Variants in PAPPA observed in about 807,000 individuals in gnomAD.
PAPPA encodes pappalysin-1.
PAPPA carries 60 observed loss-of-function variants against 164.0 expected under a neutral mutation model. That is an observed-to-expected ratio of 0.37 (90% CI 0.30 to 0.45). The LOEUF (loss-of-function observed/expected upper bound fraction) is 0.45, where lower values mean the gene tolerates loss of function less well. Among genes scored for constraint, PAPPA ranks in the 20% least tolerant of loss-of-function variants. The probability of loss-of-function intolerance (pLI) is 1.00; values close to 1 mark genes in which losing one functional copy is unlikely to be tolerated. For missense variants in PAPPA, 1,782 were observed against 2,087.3 expected (o/e 0.85, Z 2.85); for synonymous variants, 875 against 814.1 (o/e 1.07, Z -1.27).
At chr9:116,213,421 A>G (rs948225574) in intron 4 of PAPPA, among the ~76,000 whole-genome samples, 12 of 152,202 alleles carry the variant, frequency 7.9e-5, no homozygotes, top group Admixed American at 3.3e-4. Flanking sequence ...AGTGCTCAAA[A>G]AAGACCAGGG....
intron 4 of PAPPA, among the ~76,000 whole-genome samples, chr9:116,213,295 T>C (rs1363695340): frequency 3.3e-5 from 5 of 152,210 alleles, no homozygotes; most frequent in Admixed American, 6.5e-5. Flanking sequence ...TTCTTTCTGC[T>C]TGTCCATTTG....
intron 10 of PAPPA, among the ~76,000 whole-genome samples, chr9:116,307,723 TGA>T (rs145791298): frequency 1.9e-4 from 29 of 149,428 alleles, no homozygotes; most frequent in Non-Finnish European, 2.1e-4. Context: ...CTGAGGAATG[TGA>T]GAGAGAGAGA....
At chr9:116,204,115 G>C (rs1325460670) in intron 2 of PAPPA, among the ~76,000 whole-genome samples, 1 of 152,180 alleles carries the variant, frequency 6.6e-6, no homozygotes, top group Non-Finnish European at 1.5e-5. Context: ...TGCTGGGACT[G>C]TGCTGAGCTG....
chr9:116,291,705 A>C (rs1845438401), intron 9 of PAPPA, among the ~76,000 whole-genome samples: 1 of 152,258 alleles, frequency 6.6e-6, no homozygotes, highest in African/African-American at 2.4e-5. Flanking sequence ...ACATGACATA[A>C]TATAGCCAGG....
At chr9:116,264,636 C>G (rs1162738433) in intron 7 of PAPPA, among the ~76,000 whole-genome samples, 1 of 152,140 alleles carries the variant, frequency 6.6e-6, no homozygotes, top group South Asian at 2.1e-4. Context: ...GGCAGGAGAA[C>G]TTGAGATTTT....
chr9:116,254,776 C>G (rs1315713899), intron 7 of PAPPA, among the ~76,000 whole-genome samples: 2 of 129,136 alleles, frequency 1.5e-5, no homozygotes, highest in African/African-American at 6.0e-5. Context: ...AGCAAGACTC[C>G]GTCTCAAAAA....
chr9:116,330,588 T>C (rs1845977806), intron 10 of PAPPA, among the ~76,000 whole-genome samples: 1 of 151,710 alleles, frequency 6.6e-6, no homozygotes, highest in Non-Finnish European at 1.5e-5. Context: ...TCATTGAGAA[T>C]GAATTTGTGT....
intron 13 of PAPPA, among the ~76,000 whole-genome samples, chr9:116,339,321 C>T (rs79825120): frequency 0.017 from 2,626 of 152,238 alleles, 82 homozygotes; most frequent in African/African-American, 0.06. Context: ...TAGAGCAAAG[C>T]GCTCTGCTCT....
intron 1 of PAPPA, among the ~76,000 whole-genome samples, chr9:116,186,148 C>T (rs554531425): frequency 6.6e-6 from 1 of 151,782 alleles, no homozygotes; most frequent in African/African-American, 2.4e-5. Flanking sequence ...AGATTTTGCT[C>T]ATTATTATTA....
chr9:116,237,265 C>G (rs528618783), intron 7 of PAPPA, among the ~76,000 whole-genome samples: 1 of 152,322 alleles, frequency 6.6e-6, no homozygotes, highest in African/African-American at 2.4e-5. Context: ...TTTAAGAACT[C>G]AGAAAGAGCA....
At chr9:116,173,508 C>A (rs969602501) in intron 1 of PAPPA, among the ~76,000 whole-genome samples, 1 of 152,202 alleles carries the variant, frequency 6.6e-6, no homozygotes, top group Non-Finnish European at 1.5e-5. Flanking sequence ...AAGATTCATT[C>A]TTTTCTATGG....
At chr9:116,189,521 AG>A (rs1444191843) in intron 2 of PAPPA, among the ~76,000 whole-genome samples, 1 of 152,142 alleles carries the variant, frequency 6.6e-6, no homozygotes, top group Non-Finnish European at 1.5e-5. Context: ...AGGACAGAAA[AG>A]GGGGCCTTCA....
chr9:116,277,633 T>G (rs1845215715), intron 9 of PAPPA, among the ~76,000 whole-genome samples: 1 of 152,232 alleles, frequency 6.6e-6, no homozygotes, highest in South Asian at 2.1e-4. Context: ...TAGATGTGTT[T>G]GCTACTGATG....
chr9:116,254,929 T>A (rs1242526089), intron 7 of PAPPA, among the ~76,000 whole-genome samples: 1 of 151,892 alleles, frequency 6.6e-6, no homozygotes, highest in Non-Finnish European at 1.5e-5. Flanking sequence ...ATAATAAGCA[T>A]GGATGATTTT....
At chr9:116,373,278 C>T (rs946061626) in intron 19 of PAPPA, 4 of 152,084 alleles carry the variant, frequency 2.6e-5, no homozygotes, top group African/African-American at 7.2e-5. Flanking sequence ...TGTTCATTTA[C>T]TTATTCAATA....
intron 21 of PAPPA, among the ~76,000 whole-genome samples, chr9:116,391,897 C>A (rs949339455): frequency 1.3e-4 from 20 of 152,138 alleles, no homozygotes; most frequent in Non-Finnish European, 1.9e-4. Flanking sequence ...GTCAGGGAAT[C>A]TGGCAGTTGG....
chr9:116,371,537 C>G, intron 19 of PAPPA, among the ~76,000 whole-genome samples: 1 of 152,100 alleles, frequency 6.6e-6, no homozygotes, highest in African/African-American at 2.4e-5. Flanking sequence ...ACATACTACC[C>G]AACTTAATAA....
chr9:116,357,668 C>T (rs571044882), intron 17 of PAPPA, among the ~76,000 whole-genome samples: 2 of 152,288 alleles, frequency 1.3e-5, no homozygotes, highest in South Asian at 4.2e-4. Context: ...AGAAGCTACT[C>T]ATCTCAGGAT....
intron 15 of PAPPA, among the ~76,000 whole-genome samples, chr9:116,348,820 A>G (rs569293434): frequency 6.6e-6 from 1 of 152,338 alleles, no homozygotes; most frequent in Non-Finnish European, 1.5e-5. Context: ...ATGTTCCTGC[A>G]AAGGATATGA....
Sources: gnomAD v4.1 joint callset for allele counts (sites outside exome capture counted in the v4.1 genomes callset) on GRCh38, gnomAD v4.1.1 for gene constraint, MANE v1.5 for transcripts, NCBI Gene and HGNC (gene_info 2026-07-23, HGNC 2026-07-21) for gene names.